EPB41L4A: variants seen among roughly 807,000 people sequenced by gnomAD.
EPB41L4A encodes band 4.1-like protein 4A.
In EPB41L4A, 100 loss-of-function variants were observed where a neutral mutation model predicts 108.6. The ratio of observed to expected loss-of-function variants is 0.92; its 90% CI spans 0.78 to 1.09. The LOEUF (loss-of-function observed/expected upper bound fraction) is 1.09, where lower values mean the gene tolerates loss of function less well. EPB41L4A is among the 50% of genes least tolerant of loss of function. EPB41L4A has a pLI of 0.00. For synonymous variants in EPB41L4A, 319 were observed against 289.0 expected, an observed-to-expected ratio of 1.10 and a Z score of -1.05; for missense variants, 1,030 against 842.7, an observed-to-expected ratio of 1.22 and a Z score of -2.75.
At chr5:112,212,288 G>T (rs997363880) in intron 12 of EPB41L4A, among the ~76,000 whole-genome samples, 33 of 139,828 alleles carry the variant, frequency 2.4e-4, no homozygotes, top group African/African-American at 8.2e-4. Flanking sequence ...ACCATTAGTT[G>T]TTTTTGTTTT....
Position 112,242,158 on chromosome 5 carries a change from T to C in EPB41L4A, c.796-1348A>G, listed in dbSNP as rs118082880. On this transcript the variant is annotated intron_variant, in intron 9 of 22. Transcript: ENST00000261486. ...CTTTCTGTGTTAATGGACTCTTCCA[T>C]TGAAGAAAGATTTCTCTGCAGCACG... 2.2e-4 allele frequency among the ~76,000 whole-genome samples: 34 copies of C among 152,316 alleles called. No homozygotes were observed. The South Asian group carries it at 6.6e-3, about 30-fold the overall frequency.
At chr5:112,150,251 T>C (rs530418202) in intron 12 of EPB41L4A, among the ~76,000 whole-genome samples, 1 of 152,104 alleles carries the variant, frequency 6.6e-6, no homozygotes, top group Non-Finnish European at 1.5e-5. Context: ...CACAAATTAA[T>C]TTCCAAACAA....
At chr5:112,365,514 A>C (rs1005517602) in intron 1 of EPB41L4A, among the ~76,000 whole-genome samples, 10 of 152,238 alleles carry the variant, frequency 6.6e-5, no homozygotes, top group Admixed American at 6.5e-5. Context: ...ATAGTTTTAG[A>C]CTTCGAGAAA....
chr5:112,411,396 C>T (rs1361346598), intron 1 of EPB41L4A, among the ~76,000 whole-genome samples: 1 of 152,070 alleles, frequency 6.6e-6, no homozygotes, highest in East Asian at 1.9e-4. Flanking sequence ...CCACTCATAC[C>T]CCTCGGAGAA....
intron 5 of EPB41L4A, 107 bp from the exon 6 acceptor site, chr5:112,265,123 T>A: frequency 3.0e-6 from 3 of 1,013,210 alleles, no homozygotes; most frequent in Non-Finnish European, 4.1e-6. Flanking sequence ...AATGTCTTAC[T>A]AAAATTCACA....
Position 112,264,967 on chromosome 5 carries a change from A to C in EPB41L4A, c.483T>G (p.Ser161=). The C allele has an allele frequency of 6.2e-7, 1 of 1,611,910 alleles. No individual in the cohort carries two copies. The highest frequency in any genetic ancestry group is 8.5e-7 in the Non-Finnish European group (1 of 1,179,044). ...DPYKHTAGYV[S]EYRFVPDQKE... ...TCTGATCAGGAACAAACCGGTACTC[A>C]GATACATATCCTGCAGTATGTTTAT... The change falls in exon 6 of 23, where the codon TCT becomes TCG. Residue 161 remains serine, a synonymous_variant. Transcript: ENST00000261486.
intron 9 of EPB41L4A, among the ~76,000 whole-genome samples, chr5:112,248,628 T>G (rs150353515): frequency 1.3e-5 from 2 of 152,314 alleles, no homozygotes; most frequent in African/African-American, 4.8e-5. Context: ...ATTCAGGACC[T>G]GTATTATATC....
At chr5:112,313,725 A>G (rs1755198466) in intron 1 of EPB41L4A, among the ~76,000 whole-genome samples, 1 of 151,860 alleles carries the variant, frequency 6.6e-6, no homozygotes, top group Non-Finnish European at 1.5e-5. Flanking sequence ...TTTGTTTGTC[A>G]ATTTGGTTTA....
At chr5:112,313,860 T>TC (rs1377387537) in intron 1 of EPB41L4A, among the ~76,000 whole-genome samples, 1,858 of 117,004 alleles carry the variant, frequency 0.016, 30 homozygotes, top group African/African-American at 0.06. Context: ...GTAACTTTCT[T>TC]TTTTTTTTTT....
At chr5:112,232,881 T>C (rs1345641207) in intron 12 of EPB41L4A, among the ~76,000 whole-genome samples, 1 of 152,188 alleles carries the variant, frequency 6.6e-6, no homozygotes, top group Non-Finnish European at 1.5e-5. Flanking sequence ...AGATAATATC[T>C]GTGAAAGGAC....
intron 1 of EPB41L4A, among the ~76,000 whole-genome samples, chr5:112,414,736 A>G (rs1762607548): frequency 6.6e-6 from 1 of 152,248 alleles, no homozygotes; most frequent in Non-Finnish European, 1.5e-5. Context: ...GGATGATAAA[A>G]GGTATTTTTA....
intron 22 of EPB41L4A, among the ~76,000 whole-genome samples, chr5:112,166,322 A>G (rs894625425): frequency 6.6e-6 from 1 of 152,242 alleles, no homozygotes; most frequent in African/African-American, 2.4e-5. Flanking sequence ...CTTGGCAGCC[A>G]GATGAGTGGC....
chr5:112,254,242 A>T lies in EPB41L4A; in HGVS notation c.795+4987T>A, dbSNP rs80257851. On this transcript the variant is annotated intron_variant, in intron 9 of 22. Coordinates refer to ENST00000261486, the MANE Select transcript of EPB41L4A (RefSeq NM_022140.5). ...CTCCTCTTGTTGCCAAAACCAAGAA[A>T]TTCCAGTATTATCCTAAATTCCTAT... is the stretch of plus-strand genomic sequence containing the variant. 4.7e-3 allele frequency among the ~76,000 whole-genome samples: 716 copies of T among 152,328 alleles called. 5 individuals are homozygous for T. The highest frequency in any genetic ancestry group is 0.016 in the African/African-American group (674 of 41,576).
At chr5:112,369,413 C>T (rs980316909) in intron 1 of EPB41L4A, among the ~76,000 whole-genome samples, 2 of 152,172 alleles carry the variant, frequency 1.3e-5, no homozygotes, top group African/African-American at 4.8e-5. Flanking sequence ...TATCACTAGC[C>T]TAGTTAAACC....
At chr5:112,151,397 T>A (rs1759461413) in intron 12 of EPB41L4A, among the ~76,000 whole-genome samples, 1 of 150,490 alleles carries the variant, frequency 6.6e-6, no homozygotes. Context: ...TATATATATT[T>A]GTATATTATT....
At chr5:112,391,189 G>A (rs778167398) in intron 1 of EPB41L4A, among the ~76,000 whole-genome samples, 5 of 152,156 alleles carry the variant, frequency 3.3e-5, no homozygotes, top group African/African-American at 1.2e-4. Context: ...GCAGCTCCTC[G>A]CCAGCAACAG....
At chr5:112,247,386 T>A (rs1349388835) in intron 9 of EPB41L4A, among the ~76,000 whole-genome samples, 1 of 152,166 alleles carries the variant, frequency 6.6e-6, no homozygotes, top group Non-Finnish European at 1.5e-5. Context: ...CAGGACAGGC[T>A]ACCCCTGCCC....
intron 15 of EPB41L4A, among the ~76,000 whole-genome samples, chr5:112,196,232 G>A (rs1357726358): frequency 2.0e-5 from 3 of 152,102 alleles, no homozygotes; most frequent in Non-Finnish European, 2.9e-5. Context: ...CTTCAATGGG[G>A]CATCCTGGTT....
intron 1 of EPB41L4A, among the ~76,000 whole-genome samples, chr5:112,376,673 T>A (rs541938933): frequency 6.6e-5 from 10 of 152,150 alleles, no homozygotes; most frequent in African/African-American, 2.4e-4. Flanking sequence ...AGTACATCCA[T>A]ACCATGGAAC....
Sources: allele counts gnomAD v4.1 joint callset (sites outside exome capture counted in the v4.1 genomes callset), GRCh38; gene constraint gnomAD v4.1.1; transcripts MANE v1.5; gene names NCBI Gene and HGNC (gene_info 2026-07-23, HGNC 2026-07-21).